GALNT17: variants seen among roughly 807,000 people sequenced by gnomAD.
GALNT17 encodes polypeptide N-acetylgalactosaminyltransferase 17, also known as UDP-GalNAc:polypeptide N-acetylgalactosaminyltransferase-like 3.
In GALNT17, 29 loss-of-function variants were observed where a neutral mutation model predicts 63.7. That is an observed-to-expected ratio of 0.46 (90% CI 0.34 to 0.62). GALNT17 has a LOEUF of 0.62. Among genes scored for constraint, GALNT17 ranks in the 20% least tolerant of loss-of-function variants. GALNT17 has a pLI of 0.01. For synonymous variants in GALNT17, 305 were observed against 318.3 expected (o/e 0.96, Z 0.45); for missense variants, 603 against 799.6 (o/e 0.75, Z 2.97).
At chr7:71,614,224 T>C (rs943588186) in intron 6 of GALNT17, among the ~76,000 whole-genome samples, 3 of 152,126 alleles carry the variant, frequency 2.0e-5, no homozygotes, top group African/African-American at 7.2e-5. Flanking sequence ...GGGAGCAGGT[T>C]GGGTATCTCT....
intron 1 of GALNT17, among the ~76,000 whole-genome samples, chr7:71,261,000 C>T (rs1012378132): frequency 1.2e-4 from 18 of 152,134 alleles, no homozygotes; most frequent in Non-Finnish European, 2.2e-4. Context: ...ATCGTCACAC[C>T]GGCTCATCCT....
At chr7:71,645,177 G>A (rs1409912386) in intron 6 of GALNT17, among the ~76,000 whole-genome samples, 1 of 152,206 alleles carries the variant, frequency 6.6e-6, no homozygotes, top group Non-Finnish European at 1.5e-5. Flanking sequence ...GAATTAGGAG[G>A]CGCCAAAGCT....
At chr7:71,558,814 T>C (rs2116848311) in intron 5 of GALNT17, among the ~76,000 whole-genome samples, 1 of 152,348 alleles carries the variant, frequency 6.6e-6, no homozygotes, top group East Asian at 1.9e-4. Context: ...GGAGTTTCGA[T>C]GTGGATCTTT....
At chr7:71,610,516 G>T (rs1312771783) in intron 6 of GALNT17, among the ~76,000 whole-genome samples, 3 of 151,938 alleles carry the variant, frequency 2.0e-5, no homozygotes, top group Non-Finnish European at 2.9e-5. Flanking sequence ...CCTAAATACA[G>T]CATTCTGGGG....
At chr7:71,664,276 G>A (rs952118788) in intron 6 of GALNT17, among the ~76,000 whole-genome samples, 6 of 152,130 alleles carry the variant, frequency 3.9e-5, no homozygotes, top group African/African-American at 1.2e-4. Context: ...AGAAGGCTTG[G>A]CATCTGTACC....
chr7:71,292,662 AGAGAGAGT>A (rs1235398231), intron 1 of GALNT17, among the ~76,000 whole-genome samples: 25 of 117,792 alleles, frequency 2.1e-4, no homozygotes, highest in South Asian at 1.6e-3. Context: ...ACAGAGAGAG[AGAGAGAGT>A]GTGTGTGTGT....
chr7:71,621,390 C>T (rs1790286502), intron 6 of GALNT17, among the ~76,000 whole-genome samples: 1 of 152,122 alleles, frequency 6.6e-6, no homozygotes, highest in Non-Finnish European at 1.5e-5. Context: ...CCTGACCTGC[C>T]TAGCATGGTG....
chr7:71,541,791 C>A (rs140252866), intron 5 of GALNT17, among the ~76,000 whole-genome samples: 5 of 152,026 alleles, frequency 3.3e-5, no homozygotes, highest in Non-Finnish European at 1.5e-5. Flanking sequence ...TCAAGTTGCA[C>A]GTCTAAAATG....
chr7:71,517,195 A>G (rs1198360550), intron 5 of GALNT17, among the ~76,000 whole-genome samples: 2 of 152,074 alleles, frequency 1.3e-5, no homozygotes, highest in African/African-American at 2.4e-5. Context: ...CAGCATGGTC[A>G]TTTTCTGATG....
intron 3 of GALNT17, among the ~76,000 whole-genome samples, chr7:71,398,916 G>T (rs191524155): frequency 6.6e-6 from 1 of 152,306 alleles, no homozygotes; most frequent in African/African-American, 2.4e-5. Context: ...ACAATAGAGT[G>T]ATTTGTGTGG....
chr7:71,678,337 A>G (rs919529070), intron 9 of GALNT17, among the ~76,000 whole-genome samples: 10 of 151,190 alleles, frequency 6.6e-5, no homozygotes, highest in African/African-American at 2.4e-4. Context: ...TGTTGGCCAG[A>G]CTGGTCTCAA....
intron 2 of GALNT17, among the ~76,000 whole-genome samples, chr7:71,340,854 T>C (rs1201848197): frequency 1.3e-5 from 2 of 152,002 alleles, no homozygotes; most frequent in African/African-American, 4.8e-5. Context: ...GCCAACATGG[T>C]GAAACCCTGT....
intron 5 of GALNT17, among the ~76,000 whole-genome samples, chr7:71,439,056 T>G (rs1167680025): frequency 1.3e-5 from 2 of 151,932 alleles, no homozygotes; most frequent in Non-Finnish European, 2.9e-5. Flanking sequence ...CCTGGCTAAT[T>G]TTTTAAAATT....
chr7:71,142,870 G>A (rs987986699), intron 1 of GALNT17, among the ~76,000 whole-genome samples: 3 of 151,246 alleles, frequency 2.0e-5, no homozygotes, highest in Non-Finnish European at 2.9e-5. Flanking sequence ...GAACTTGGGA[G>A]ACGGAGGTTG....
chr7:71,488,169 T>TAAAAAAA (rs1343277575), intron 5 of GALNT17, among the ~76,000 whole-genome samples: 1 of 123,548 alleles, frequency 8.1e-6, no homozygotes, highest in African/African-American at 3.1e-5. Flanking sequence ...CCCTATCTCT[T>TAAAAAAA]AAAAAAAAAA....
chr7:71,452,183 C>T (rs997262699), intron 5 of GALNT17, among the ~76,000 whole-genome samples: 1 of 151,630 alleles, frequency 6.6e-6, no homozygotes, highest in Non-Finnish European at 1.5e-5. Context: ...TTTGAGGCTG[C>T]AGTGAGGTAT....
At chr7:71,477,144 A>T (rs989959239) in intron 5 of GALNT17, among the ~76,000 whole-genome samples, 8 of 152,224 alleles carry the variant, frequency 5.3e-5, no homozygotes, top group African/African-American at 7.2e-5. Context: ...TATCATCATC[A>T]TCATTATCAT....
chr7:71,425,357 C>T (rs747328993), intron 5 of GALNT17, among the ~76,000 whole-genome samples: 12 of 152,006 alleles, frequency 7.9e-5, no homozygotes, highest in Non-Finnish European at 1.8e-4. Flanking sequence ...TGAGTATCTG[C>T]GACTACAGGT....
chr7:71,398,280 T>C (rs946851161), intron 3 of GALNT17, among the ~76,000 whole-genome samples: 5 of 152,132 alleles, frequency 3.3e-5, no homozygotes, highest in African/African-American at 1.2e-4. Context: ...GAACCTCTAA[T>C]TTTCTTATTT....
Sources: allele counts gnomAD v4.1 joint callset (sites outside exome capture counted in the v4.1 genomes callset), GRCh38; gene constraint gnomAD v4.1.1; transcripts MANE v1.5; gene names NCBI Gene and HGNC (gene_info 2026-07-23, HGNC 2026-07-21).